Variants in LRRC4C observed in about 807,000 individuals in gnomAD.
LRRC4C encodes leucine rich repeat containing 4C, also known as leucine-rich repeat-containing protein 4C.
LRRC4C carries 5 observed loss-of-function variants against 33.6 expected under a neutral mutation model. The observed-to-expected ratio is 0.15, with a 90% CI of 0.08 to 0.31. The LOEUF (loss-of-function observed/expected upper bound fraction) is 0.31. Ranked by LOEUF, LRRC4C falls within the 10% of genes least tolerant of loss-of-function variation. The pLI is 1.00. For synonymous variants in LRRC4C, 329 were observed against 302.0 expected, an observed-to-expected ratio of 1.09 and a Z score of -0.93; for missense variants, 560 against 796.7, an observed-to-expected ratio of 0.70 and a Z score of 3.58.
chr11:40,860,704 A>G (rs1335447681), intron 2 of LRRC4C, among the ~76,000 whole-genome samples: 1 of 145,998 alleles, frequency 6.8e-6, no homozygotes, highest in African/African-American at 2.6e-5. Flanking sequence ...GGATAACCTC[A>G]TTTCAAGGAA....
At chr11:40,521,657 T>C (rs1251760067) in intron 3 of LRRC4C, among the ~76,000 whole-genome samples, 1 of 151,850 alleles carries the variant, frequency 6.6e-6, no homozygotes, top group African/African-American at 2.4e-5. Context: ...GATCATGAGG[T>C]CAAGAGATCA....
intron 1 of LRRC4C, among the ~76,000 whole-genome samples, chr11:41,167,208 G>A (rs142262258): frequency 2.0e-4 from 31 of 152,232 alleles, no homozygotes; most frequent in African/African-American, 7.0e-4. Flanking sequence ...GATCTTTCAT[G>A]TAGCACAGTG....
At chr11:40,726,720 T>A (rs1235337872) in intron 2 of LRRC4C, among the ~76,000 whole-genome samples, 2 of 152,032 alleles carry the variant, frequency 1.3e-5, no homozygotes, top group Non-Finnish European at 2.9e-5. Context: ...CCACCCTCCA[T>A]GCTCATAGTC....
chr11:41,432,230 T>G (rs1955263421), intron 1 of LRRC4C, among the ~76,000 whole-genome samples: 1 of 152,210 alleles, frequency 6.6e-6, no homozygotes, highest in African/African-American at 2.4e-5. Flanking sequence ...TCAGTTTGAC[T>G]CACCAATTTA....
chr11:40,234,965 C>T (rs10768588), intron 5 of LRRC4C, among the ~76,000 whole-genome samples: 116,213 of 152,176 alleles, frequency 0.76, 48,753 homozygotes, highest in East Asian at 0.96. Context: ...TACTAAGTAG[C>T]AGATTTTTTC....
chr11:40,312,142 TA>T (rs967913757), intron 4 of LRRC4C, among the ~76,000 whole-genome samples: 40 of 151,820 alleles, frequency 2.6e-4, no homozygotes, highest in Non-Finnish European at 1.2e-4. Flanking sequence ...TGTTGATACA[TA>T]AAAAAAAGTT....
intron 1 of LRRC4C, among the ~76,000 whole-genome samples, chr11:40,947,859 C>T (rs1322814217): frequency 1.3e-5 from 2 of 152,150 alleles, no homozygotes; most frequent in African/African-American, 4.8e-5. Flanking sequence ...TCTCAATAAG[C>T]TGGGACAGTG....
intron 1 of LRRC4C, among the ~76,000 whole-genome samples, chr11:41,153,292 A>T (rs1181779650): frequency 1.3e-5 from 2 of 152,154 alleles, no homozygotes; most frequent in African/African-American, 4.8e-5. Flanking sequence ...AACTGAGTTG[A>T]ATACTTTTTG....
chr11:40,975,667 T>C (rs920912514), intron 1 of LRRC4C, among the ~76,000 whole-genome samples: 2 of 152,152 alleles, frequency 1.3e-5, no homozygotes, highest in African/African-American at 4.8e-5. Context: ...TTCACAGAGG[T>C]GAACTCATTT....
At chr11:40,239,427 G>A (rs1865786010) in intron 5 of LRRC4C, among the ~76,000 whole-genome samples, 1 of 152,100 alleles carries the variant, frequency 6.6e-6, no homozygotes, top group Admixed American at 6.6e-5. Flanking sequence ...GAAAAGAGGG[G>A]GAAATCTCAC....
chr11:40,696,739 A>T (rs1310245331), intron 2 of LRRC4C, among the ~76,000 whole-genome samples: 2 of 90,076 alleles, frequency 2.2e-5, no homozygotes, highest in Non-Finnish European at 4.7e-5. Context: ...GTGCATATAT[A>T]TACACTGTGT....
chr11:40,314,490 C>G (rs1590286311), intron 4 of LRRC4C, among the ~76,000 whole-genome samples: 1 of 152,034 alleles, frequency 6.6e-6, no homozygotes, highest in Admixed American at 6.5e-5. Context: ...AAAGTATGAA[C>G]GTTCCTCAAA....
chr11:40,893,644 G>T (rs1340612101), intron 2 of LRRC4C, among the ~76,000 whole-genome samples: 1 of 151,782 alleles, frequency 6.6e-6, no homozygotes, highest in Non-Finnish European at 1.5e-5. Flanking sequence ...ACTTATTAAG[G>T]GCATATAATT....
At chr11:40,210,939 A>ATT (rs112944486) in intron 5 of LRRC4C, among the ~76,000 whole-genome samples, 13 of 150,878 alleles carry the variant, frequency 8.6e-5, no homozygotes, top group African/African-American at 3.2e-4. Context: ...TGCCTGGCTA[A>ATT]TTTTTTTTTG....
At chr11:40,321,083 C>A (rs943817381) in intron 3 of LRRC4C, among the ~76,000 whole-genome samples, 1 of 152,150 alleles carries the variant, frequency 6.6e-6, no homozygotes, top group South Asian at 2.1e-4. Context: ...AGTTGTCCAT[C>A]CTTCAGCTAT....
At chr11:41,214,935 A>G (rs1295511992) in intron 1 of LRRC4C, among the ~76,000 whole-genome samples, 1 of 147,516 alleles carries the variant, frequency 6.8e-6, no homozygotes, top group East Asian at 2.0e-4. Context: ...TTTAACATGA[A>G]GAGCTTATGA....
At chr11:40,399,581 C>T (rs1949681007) in intron 3 of LRRC4C, among the ~76,000 whole-genome samples, 1 of 151,676 alleles carries the variant, frequency 6.6e-6, no homozygotes, top group South Asian at 2.1e-4. Flanking sequence ...ATACCTAATG[C>T]TAAATGACGA....
intron 3 of LRRC4C, among the ~76,000 whole-genome samples, chr11:40,428,268 T>G (rs554925289): frequency 6.6e-6 from 1 of 152,318 alleles, no homozygotes; most frequent in Non-Finnish European, 1.5e-5. Context: ...AGGACTTTTT[T>G]TTGATTATAA....
At chr11:40,383,714 A>C (rs1359604721) in intron 3 of LRRC4C, among the ~76,000 whole-genome samples, 1 of 151,616 alleles carries the variant, frequency 6.6e-6, no homozygotes, top group Non-Finnish European at 1.5e-5. Flanking sequence ...TTTTAATACA[A>C]GATCTCACTT....
Sources: gnomAD v4.1 joint callset for allele counts (sites outside exome capture counted in the v4.1 genomes callset) on GRCh38, gnomAD v4.1.1 for gene constraint, MANE v1.5 for transcripts, NCBI Gene and HGNC (gene_info 2026-07-23, HGNC 2026-07-21) for gene names.